The following S100Z variants were observed in gnomAD, a reference collection of about 807,000 sequenced individuals.
The protein encoded by S100Z is protein S100-Z.
S100Z carries 11 observed loss-of-function variants against 8.5 expected under a neutral mutation model. The observed-to-expected ratio is 1.30, with a 90% CI of 0.82 to 2.15. The LOEUF is 2.15. S100Z is among the 30% of genes most tolerant of loss of function. The probability of loss-of-function intolerance (pLI) is 0.00; values close to 1 mark genes in which losing one functional copy is unlikely to be tolerated. For missense variants in S100Z, 126 were observed against 117.9 expected, an observed-to-expected ratio of 1.07 and a Z score of -0.32; for synonymous variants, 34 against 43.8, an observed-to-expected ratio of 0.78 and a Z score of 0.89.
intron 4 of S100Z, among the ~76,000 whole-genome samples, chr5:76,916,918 G>T (rs1159010565): frequency 2.0e-5 from 3 of 152,050 alleles, no homozygotes; most frequent in Admixed American, 2.0e-4. Flanking sequence ...GTGAGGTTAG[G>T]AGTTCGAGAC....
intron 1 of S100Z, among the ~76,000 whole-genome samples, chr5:76,861,008 C>T (rs1022561110): frequency 2.0e-5 from 3 of 152,154 alleles, no homozygotes; most frequent in African/African-American, 4.8e-5. Context: ...TCTATTGTTC[C>T]GTAACAATTT....
intron 1 of S100Z, among the ~76,000 whole-genome samples, chr5:76,865,626 T>C (rs1579999672): frequency 6.6e-6 from 1 of 151,440 alleles, no homozygotes; most frequent in East Asian, 1.9e-4. Context: ...AATAAAAATA[T>C]AAAGAAAAAA....
chr5:76,873,604 T>A (rs777676133), intron 2 of S100Z, among the ~76,000 whole-genome samples: 1 of 152,110 alleles, frequency 6.6e-6, no homozygotes, highest in Non-Finnish European at 1.5e-5. Flanking sequence ...AGCCTGAATA[T>A]GTTTGAAAAT....
chr5:76,895,156 G>GAAGTC (rs903145402), intron 4 of S100Z, among the ~76,000 whole-genome samples: 3 of 152,214 alleles, frequency 2.0e-5, no homozygotes, highest in African/African-American at 7.2e-5. Context: ...ACAAATCAGA[G>GAAGTC]AAGTCAAGCG....
At chr5:76,864,405 T>A (rs1751191504) in intron 1 of S100Z, among the ~76,000 whole-genome samples, 1 of 130,828 alleles carries the variant, frequency 7.6e-6, no homozygotes. Flanking sequence ...TTTTTTTTTT[T>A]TTTTTTTTTT....
chr5:76,885,650 G>A (rs34007547), intron 4 of S100Z, among the ~76,000 whole-genome samples: 11,921 of 54,748 alleles, frequency 0.22, 3,021 homozygotes, highest in Non-Finnish European at 0.38. Flanking sequence ...AAGTGGGAAC[G>A]GGGTGGGAGG....
At chr5:76,928,489 G>A in the S100Z span, among the ~76,000 whole-genome samples, 1 of 152,190 alleles carries the variant, frequency 6.6e-6, no homozygotes, top group Non-Finnish European at 1.5e-5. Context: ...TGGAGCAGGG[G>A]TGAGCTGGGA....
At chr5:76,934,438 G>C in the S100Z span, among the ~76,000 whole-genome samples, 1 of 152,212 alleles carries the variant, frequency 6.6e-6, no homozygotes, top group Admixed American at 6.5e-5. Context: ...GTGATCTCAT[G>C]GAAAAGGAGA....
At chr5:76,856,343 G>A (rs1004016006) in intron 1 of S100Z, among the ~76,000 whole-genome samples, 1 of 152,190 alleles carries the variant, frequency 6.6e-6, no homozygotes, top group African/African-American at 2.4e-5. Flanking sequence ...GGGACTACAG[G>A]TGCATGGCAC....
intron 1 of S100Z, among the ~76,000 whole-genome samples, chr5:76,861,002 T>C (rs1751038911): frequency 6.6e-6 from 1 of 152,252 alleles, no homozygotes; most frequent in East Asian, 1.9e-4. Context: ...TTAGGATCTA[T>C]TGTTCCGTAA....
intron 1 of S100Z, among the ~76,000 whole-genome samples, chr5:76,855,084 C>G (rs536953672): frequency 5.9e-5 from 9 of 152,322 alleles, no homozygotes; most frequent in African/African-American, 1.7e-4. Flanking sequence ...GCTTGGAAGC[C>G]TCTGCACAGA....
the S100Z span, among the ~76,000 whole-genome samples, chr5:76,949,226 A>G: frequency 1.4e-4 from 21 of 152,102 alleles, no homozygotes; most frequent in Non-Finnish European, 2.9e-4. Context: ...GTCTCTACTA[A>G]ACATACAAAA....
chr5:76,872,736 G>A (rs913091997), intron 2 of S100Z, among the ~76,000 whole-genome samples: 3 of 152,142 alleles, frequency 2.0e-5, no homozygotes, highest in Non-Finnish European at 4.4e-5. Context: ...CAAGGCAGGC[G>A]GATTGCGTGA....
At chr5:76,942,218 T>A in the S100Z span, among the ~76,000 whole-genome samples, 65 of 152,166 alleles carry the variant, frequency 4.3e-4, no homozygotes, top group African/African-American at 1.5e-3. Flanking sequence ...TTCAAGCAAT[T>A]CTTCTGCCTC....
In S100Z at chr5:76,885,189, C is replaced by G. The variant is rs112333953; in HGVS notation, c.*2+7355C>G. 6.3e-3 allele frequency among the ~76,000 whole-genome samples: 957 copies of G among 152,182 alleles called. 11 individuals are homozygous for G. Among genetic ancestry groups the G allele is most frequent in the Non-Finnish European group, 0.01 (683 of 68,022 alleles). ...TGAAGAGGTTTTAAGTTCTTGAGGA[C>G]ACAGGCTAAGGGAGAAGGAGGAATG... On this transcript the variant is annotated intron_variant, in intron 4 of 4. Coordinates refer to ENST00000317593, the MANE Select transcript of S100Z (RefSeq NM_130772.4).
chr5:76,923,485 T>C (rs1330229333), downstream of S100Z, among the ~76,000 whole-genome samples: 1 of 152,142 alleles, frequency 6.6e-6, no homozygotes, highest in Non-Finnish European at 1.5e-5. Context: ...TGCCCACTTT[T>C]AGAGTATAGT....
chr5:76,932,907 T>G, the S100Z span, among the ~76,000 whole-genome samples: 1 of 152,228 alleles, frequency 6.6e-6, no homozygotes, highest in African/African-American at 2.4e-5. Flanking sequence ...ACAAAGCGGC[T>G]TAGTACCAGT....
intron 4 of S100Z, among the ~76,000 whole-genome samples, chr5:76,908,844 A>G (rs972730903): frequency 6.6e-6 from 1 of 152,186 alleles, no homozygotes; most frequent in African/African-American, 2.4e-5. Context: ...TAACAGGAGA[A>G]TGCTTAGGAC....
At position 76,906,625 on chromosome 5, in the gene S100Z, TG is replaced by T. The variant is rs1359769445; in HGVS notation, c.*3-14091del. Among the ~76,000 whole-genome samples the T allele has an allele frequency of 1.2e-4, 17 of 136,718 alleles. No homozygotes were observed. The Admixed American group carries it at 1.4e-3, about 11-fold the overall frequency. The allele number at this position is 136,718 out of a possible 152,430, so 89.7% of individuals were successfully genotyped here. Reference sequence around the variant, plus strand: ...ACACAATTTCCGTGTTTTTTGTTGTTGTTGTTTTGTTTTTTGTTTTTTTTTG... The same window carrying T: ...ACACAATTTCCGTGTTTTTTGTTGTTTTGTTTTGTTTTTTGTTTTTTTTTG... On this transcript the variant is annotated intron_variant, in intron 4 of 4. Transcript: ENST00000317593.
Sources: gnomAD v4.1 joint callset for allele counts (sites outside exome capture counted in the v4.1 genomes callset) on GRCh38, gnomAD v4.1.1 for gene constraint, MANE v1.5 for transcripts, NCBI Gene and HGNC (gene_info 2026-07-23, HGNC 2026-07-21) for gene names.